Variants in USP48 observed in about 807,000 individuals in gnomAD.
USP48 encodes ubiquitin specific peptidase 48.
Under a neutral mutation model 150.7 loss-of-function variants are expected in USP48, and 43 were observed. The observed-to-expected ratio is 0.29, with a 90% CI of 0.22 to 0.37. USP48 has a LOEUF of 0.37. Among genes scored for constraint, USP48 ranks in the 10% least tolerant of loss-of-function variants. USP48 has a pLI of 1.00. For missense variants in USP48, 813 were observed against 1,249.6 expected (o/e 0.65, Z 5.27); for synonymous variants, 396 against 425.9 (o/e 0.93, Z 0.86).
chr1:21,759,748 G>A (rs1244699104), intron 1 of USP48, among the ~76,000 whole-genome samples: 4 of 152,072 alleles, frequency 2.6e-5, no homozygotes, highest in Admixed American at 6.5e-5. Context: ...TGAGATGGAT[G>A]GAAGAAAAAT....
At chr1:21,694,572 C>A (rs200615988) in intron 23 of USP48, among the ~76,000 whole-genome samples, 2 of 12,022 alleles carry the variant, frequency 1.7e-4, no homozygotes, top group East Asian at 6.4e-3. Flanking sequence ...TCTGTCTCAC[C>A]AAAAAAAAAA....
intron 15 of USP48, among the ~76,000 whole-genome samples, chr1:21,712,708 A>T (rs1043479836): frequency 2.0e-5 from 3 of 148,952 alleles, no homozygotes; most frequent in Non-Finnish European, 4.4e-5. Context: ...GGCTCACTGC[A>T]ACCTCCGCCT....
chr1:21,762,997 A>G (rs1035077898), intron 1 of USP48, among the ~76,000 whole-genome samples: 1 of 152,106 alleles, frequency 6.6e-6, no homozygotes, highest in African/African-American at 2.4e-5. Flanking sequence ...CCAGTTCCTG[A>G]TAGCAAAATA....
chr1:21,770,366 A>C (rs1455155064), intron 1 of USP48, among the ~76,000 whole-genome samples: 1 of 152,124 alleles, frequency 6.6e-6, no homozygotes, highest in Non-Finnish European at 1.5e-5. Flanking sequence ...GGCAGAAGTA[A>C]CTGGTAGTAG....
At chr1:21,689,127 A>C (rs768645183) in intron 24 of USP48, among the ~76,000 whole-genome samples, 8 of 151,588 alleles carry the variant, frequency 5.3e-5, no homozygotes, top group Non-Finnish European at 1.2e-4. Flanking sequence ...ACTAAGAAAA[A>C]CTATGAAAAT....
At chr1:21,708,034 T>C (rs2097678036) in intron 15 of USP48, among the ~76,000 whole-genome samples, 2 of 151,694 alleles carry the variant, frequency 1.3e-5, no homozygotes, top group Non-Finnish European at 2.9e-5. Flanking sequence ...TGGTGGTGCT[T>C]GCCTGTAGTC....
At chr1:21,703,695 A>G in intron 20 of USP48, 77 bp from the exon 21 acceptor site, 1 of 1,136,588 alleles carries the variant, frequency 8.8e-7, no homozygotes, top group Non-Finnish European at 1.3e-6. Context: ...CTAAAAACAT[A>G]TGTCAAAGTT....
Position 21,679,171 on chromosome 1 carries a change from C to CTCT in USP48, c.*245_*246insAGA. The CTCT allele has an allele frequency of 1.9e-6, 1 of 515,964 alleles. No homozygotes were observed. 32.0% of individuals were successfully genotyped at this position (515,964 alleles called of 1,614,324 possible). On this transcript the variant is annotated 3_prime_UTR_variant, in exon 27 of 27. Transcript: ENST00000308271. The stretch of plus-strand genomic sequence containing the variant: ...TAAACTTGTTCCGTCTTTACTTGCC[C>CTCT]CCTCCCACCCACCACCCCCCTTAAA...
intron 9 of USP48, among the ~76,000 whole-genome samples, chr1:21,731,414 T>C (rs184877006): frequency 1.3e-5 from 2 of 151,808 alleles, no homozygotes; most frequent in Admixed American, 6.6e-5. Context: ...CAGGCGTGTG[T>C]CACCACGCCA....
chr1:21,762,759 A>G (rs1179296546), intron 1 of USP48, among the ~76,000 whole-genome samples: 2 of 150,760 alleles, frequency 1.3e-5, no homozygotes, highest in Non-Finnish European at 2.9e-5. Flanking sequence ...CTGGCTACTC[A>G]GGAGGCTGAG....
Position 21,695,144 on chromosome 1 carries a change from A to G in USP48, c.2805T>C (p.Ser935=). 2 of 1,613,782 alleles carry G rather than the reference A, an allele frequency of 1.2e-6. No homozygotes were observed. The highest frequency in any genetic ancestry group is 1.7e-6 in the Non-Finnish European group (2 of 1,179,936). ...IAYQKQVIRR[S]MRHRKVRGEK... ...CACCACGAACTTTTCTATGTCGCATACTTCGGCGAATAACTTGCTTTTGAT... is the reference window on the plus strand; with the variant it reads ...CACCACGAACTTTTCTATGTCGCATGCTTCGGCGAATAACTTGCTTTTGAT... Residue 935 remains serine (S), a synonymous_variant, in exon 23 of 27, where the codon AGT becomes AGC. Coordinates refer to ENST00000308271, the MANE Select transcript of USP48 (RefSeq NM_032236.8).
chr1:21,746,960 T>G, intron 8 of USP48, 107 bp downstream of exon 8: 1 of 825,376 alleles, frequency 1.2e-6, no homozygotes, highest in Non-Finnish European at 1.8e-6. Context: ...AGAGAGAGAT[T>G]AGCAAACAAA....
chr1:21,764,280 A>G (rs1557598600), intron 1 of USP48, among the ~76,000 whole-genome samples: 1 of 152,140 alleles, frequency 6.6e-6, no homozygotes, highest in Non-Finnish European at 1.5e-5. Flanking sequence ...TTTACTAAAA[A>G]TACAAAAAAT....
intron 11 of USP48, among the ~76,000 whole-genome samples, chr1:21,726,873 T>A (rs1442722835): frequency 6.6e-6 from 1 of 151,972 alleles, no homozygotes; most frequent in Non-Finnish European, 1.5e-5. Context: ...CCGGACTATA[T>A]GAAACCTCAG....
intron 22 of USP48, among the ~76,000 whole-genome samples, chr1:21,695,899 G>A (rs1339482318): frequency 6.6e-6 from 1 of 151,982 alleles, no homozygotes; most frequent in Non-Finnish European, 1.5e-5. Context: ...ATCAAACTTA[G>A]TTTGACTAAA....
At chr1:21,767,138 C>G (rs757499549) in intron 1 of USP48, among the ~76,000 whole-genome samples, 5 of 152,160 alleles carry the variant, frequency 3.3e-5, no homozygotes, top group Non-Finnish European at 7.3e-5. Flanking sequence ...TAATACTCTA[C>G]TCCCAGGCTC....
At chr1:21,708,694 C>T (rs1007437451) in intron 15 of USP48, among the ~76,000 whole-genome samples, 2 of 151,440 alleles carry the variant, frequency 1.3e-5, no homozygotes, top group South Asian at 2.1e-4. Context: ...CCAGCTTGAC[C>T]AAAATGGTGA....
intron 1 of USP48, among the ~76,000 whole-genome samples, chr1:21,776,399 A>C (rs937818269): frequency 1.3e-5 from 2 of 152,120 alleles, no homozygotes; most frequent in Non-Finnish European, 2.9e-5. Context: ...TATTGGTGAT[A>C]CTATTTATTT....
intron 8 of USP48, among the ~76,000 whole-genome samples, chr1:21,737,354 T>TA (rs1263611655): frequency 6.6e-6 from 1 of 152,138 alleles, no homozygotes; most frequent in African/African-American, 2.4e-5. Flanking sequence ...GATGAAAACT[T>TA]AAAAAATCTA....
Sources: allele counts gnomAD v4.1 joint callset (sites outside exome capture counted in the v4.1 genomes callset), GRCh38; gene constraint gnomAD v4.1.1; transcripts MANE v1.5; gene names NCBI Gene and HGNC (gene_info 2026-07-23, HGNC 2026-07-21).